TTLL5: variants seen among roughly 807,000 people sequenced by gnomAD.
TTLL5 encodes tubulin polyglutamylase TTLL5.
Under a neutral mutation model 168.4 loss-of-function variants are expected in TTLL5, and 132 were observed. The observed-to-expected ratio is 0.78, with a 90% confidence interval of 0.68 to 0.91. The LOEUF is 0.91. Among genes scored for constraint, TTLL5 ranks in the 40% least tolerant of loss-of-function variants. The pLI, the probability that TTLL5 is intolerant of heterozygous loss-of-function variation, is 0.00. For synonymous variants in TTLL5, 546 were observed against 558.6 expected (o/e 0.98, Z 0.32); for missense variants, 1,545 against 1,581.5 (o/e 0.98, Z 0.39).
chr14:75,735,020 T>C (rs1300309967), intron 14 of TTLL5, among the ~76,000 whole-genome samples, 175 bp from the exon 15 acceptor site: 1 of 152,222 alleles, frequency 6.6e-6, no homozygotes, highest in East Asian at 1.9e-4. Flanking sequence ...CTAGTTATGG[T>C]GGTTCAGAGT....
intron 28 of TTLL5, among the ~76,000 whole-genome samples, chr14:75,850,931 CA>C (rs1460436234): frequency 2.0e-5 from 3 of 151,500 alleles, no homozygotes; most frequent in Non-Finnish European, 4.4e-5. Context: ...CTCATCTCTA[CA>C]AGAAATAAAA....
intron 30 of TTLL5, chr14:75,886,561 A>C: frequency 9.8e-7 from 1 of 1,018,990 alleles, no homozygotes; most frequent in Non-Finnish European, 1.4e-6. Context: ...AAATTCATAT[A>C]CTTGTATTTC....
intron 5 of TTLL5, chr14:75,684,176 T>C (rs1884848995): frequency 6.5e-6 from 1 of 153,208 alleles, no homozygotes. Flanking sequence ...TATATAGACA[T>C]GGATGGTTTT....
chr14:75,937,283 A>ATT (rs59787253), intron 31 of TTLL5, among the ~76,000 whole-genome samples: 46 of 140,076 alleles, frequency 3.3e-4, no homozygotes, highest in African/African-American at 9.2e-4. Context: ...CGTCCAGCTA[A>ATT]TTTTTTTTTT....
At chr14:75,724,703 CA>C (rs1475554300) in intron 12 of TTLL5, among the ~76,000 whole-genome samples, 1 of 152,126 alleles carries the variant, frequency 6.6e-6, no homozygotes, top group Non-Finnish European at 1.5e-5. Context: ...TAATCTTGAT[CA>C]TAAGACTTTT....
chr14:75,836,491 C>A (rs1895875473), intron 28 of TTLL5, among the ~76,000 whole-genome samples: 1 of 151,764 alleles, frequency 6.6e-6, no homozygotes, highest in African/African-American at 2.4e-5. Flanking sequence ...TGCTAGCATA[C>A]CAAGGTGACT....
chr14:75,831,037 C>A (rs183298222), intron 28 of TTLL5, among the ~76,000 whole-genome samples: 1 of 152,226 alleles, frequency 6.6e-6, no homozygotes, highest in East Asian at 1.9e-4. Context: ...ATGAAAATTT[C>A]AGTTTCTCAG....
rs115774710 is a variant in TTLL5, at chr14:75,687,315, C to A, written c.372-2877C>A. ...TGGGGGGACAGTTTCGCTCTGTCAC[C>A]CAGTCTGGAGTACAGTGGTGTGATC... On this transcript the variant is annotated intron_variant, in intron 5 of 31. Transcript: ENST00000298832. 6.1e-3 allele frequency among the ~76,000 whole-genome samples: 935 copies of A among 152,158 alleles called. 10 individuals are homozygous for A. The highest frequency in any genetic ancestry group is 0.021 in the African/African-American group (888 of 41,504).
chr14:75,841,151 C>A (rs1038756224), intron 28 of TTLL5, among the ~76,000 whole-genome samples: 1 of 152,208 alleles, frequency 6.6e-6, no homozygotes, highest in African/African-American at 2.4e-5. Context: ...CACCTCCCAC[C>A]AGGCCCCACC....
chr14:75,729,984 T>G (rs1359767840), intron 12 of TTLL5, among the ~76,000 whole-genome samples: 1 of 152,240 alleles, frequency 6.6e-6, no homozygotes, highest in African/African-American at 2.4e-5. Context: ...TTAATCTGAT[T>G]TGAATTTGTC....
chr14:75,877,817 C>T (rs922816820), intron 29 of TTLL5, among the ~76,000 whole-genome samples: 1 of 152,194 alleles, frequency 6.6e-6, no homozygotes, highest in Non-Finnish European at 1.5e-5. Flanking sequence ...GGATTGGGGC[C>T]AGTACAGGAC....
At chr14:75,682,083 A>G (rs1461402735) in intron 4 of TTLL5, among the ~76,000 whole-genome samples, 1 of 151,494 alleles carries the variant, frequency 6.6e-6, no homozygotes, top group Non-Finnish European at 1.5e-5. Flanking sequence ...CCAGCTACTC[A>G]GGAGCCCGAG....
chr14:75,949,344 T>G (rs1472447321), intron 31 of TTLL5, among the ~76,000 whole-genome samples: 1 of 149,118 alleles, frequency 6.7e-6, no homozygotes, highest in African/African-American at 2.4e-5. Flanking sequence ...AAGAGACGCT[T>G]TAAGAATATA....
chr14:75,709,383 C>G, intron 9 of TTLL5: 2 of 569,120 alleles, frequency 3.5e-6, no homozygotes, highest in East Asian at 2.9e-5. Context: ...TGGTGGAGCT[C>G]TGTGTTCCGT....
chr14:75,775,939 G>A (rs1236900398), intron 22 of TTLL5, among the ~76,000 whole-genome samples: 1 of 152,230 alleles, frequency 6.6e-6, no homozygotes, highest in Non-Finnish European at 1.5e-5. Context: ...AGTGCCTGTA[G>A]AAAGTGGCAA....
chr14:75,785,130 A>G (rs1892286104), intron 26 of TTLL5, among the ~76,000 whole-genome samples: 2 of 143,942 alleles, frequency 1.4e-5, no homozygotes, highest in South Asian at 4.3e-4. Flanking sequence ...TTTTGGTATC[A>G]TGTCTGGAAT....
intron 30 of TTLL5, among the ~76,000 whole-genome samples, chr14:75,889,771 A>G: frequency 6.9e-6 from 1 of 145,608 alleles, no homozygotes; most frequent in Admixed American, 7.1e-5. Context: ...TGGAGGTTGC[A>G]GTGAGCCAAG....
intron 29 of TTLL5, among the ~76,000 whole-genome samples, chr14:75,880,609 G>T (rs563036273): frequency 1.3e-5 from 2 of 152,284 alleles, no homozygotes; most frequent in African/African-American, 4.8e-5. Context: ...GGATGTAGTG[G>T]TGAAAATAGA....
intron 15 of TTLL5, among the ~76,000 whole-genome samples, chr14:75,740,969 A>G (rs570925953): frequency 1.3e-5 from 2 of 152,030 alleles, no homozygotes; most frequent in African/African-American, 2.4e-5. Context: ...ATATCTTGCC[A>G]TTTTTCCCCA....
Sources: allele counts gnomAD v4.1 joint callset (sites outside exome capture counted in the v4.1 genomes callset), GRCh38; gene constraint gnomAD v4.1.1; transcripts MANE v1.5; gene names NCBI Gene and HGNC (gene_info 2026-07-23, HGNC 2026-07-21).